The following ZBTB38 variants were observed in gnomAD, a reference collection of about 807,000 sequenced individuals.
The protein encoded by ZBTB38 is zinc finger and BTB domain containing 38, also known as zinc finger and BTB domain-containing protein 38.
ZBTB38 carries 20 observed loss-of-function variants against 76.8 expected under a neutral mutation model. The ratio of observed to expected loss-of-function variants is 0.26; its 90% CI spans 0.18 to 0.38. The LOEUF (loss-of-function observed/expected upper bound fraction) is 0.38, where lower values mean the gene tolerates loss of function less well. Among genes scored for constraint, ZBTB38 ranks in the 10% least tolerant of loss-of-function variants. The pLI, the probability that ZBTB38 is intolerant of heterozygous loss-of-function variation, is 1.00. For missense variants in ZBTB38, 1,082 were observed against 1,482.3 expected (o/e 0.73, Z 4.43); for synonymous variants, 504 against 544.2 (o/e 0.93, Z 1.03).
chr3:141,376,217 C>T (rs1232618975), intron 2 of ZBTB38, among the ~76,000 whole-genome samples: 1 of 152,150 alleles, frequency 6.6e-6, no homozygotes, highest in Non-Finnish European at 1.5e-5. Context: ...CAGCTCCCTA[C>T]CCGCCCCAGT....
chr3:141,357,949 T>C (rs1943715420), intron 1 of ZBTB38, among the ~76,000 whole-genome samples: 2 of 152,156 alleles, frequency 1.3e-5, no homozygotes, highest in African/African-American at 2.4e-5. Flanking sequence ...GAGACCGTGG[T>C]GAGAACTCTG....
intron 5 of ZBTB38, among the ~76,000 whole-genome samples, chr3:141,425,606 A>T (rs985556949): frequency 1.3e-5 from 2 of 152,224 alleles, no homozygotes; most frequent in African/African-American, 4.8e-5. Context: ...CTCTCAGCCT[A>T]CCACAGGGCA....
Position 141,445,899 on chromosome 3 carries a change from A to T in ZBTB38, c.3511A>T (p.Asn1171Tyr). The part of the protein sequence containing the change: ...VCHENSNPLE[N>Y]QHFIGSEDND... ...CCACGAAAACTCAAATCCCTTGGAG[A>T]ATCAACATTTCATTGGTTCAGAAGA... The change falls in exon 6 of 6, where the codon AAT becomes TAT. Residue 1171 changes from asparagine (N) to tyrosine (Y), a missense_variant. By Grantham distance (143) the Asn-to-Tyr change is moderately radical. This residue lies in a region of ZBTB38 where 54 missense variants were observed against 57.9 expected (regional missense o/e 0.93). Transcript: ENST00000321464. This position sits in a 1 kb window ranked among gnomAD's most constrained non-coding sequence, Gnocchi z 6.5. 1 of 1,609,548 alleles carries T rather than the reference A, an allele frequency of 6.2e-7. No individual in the cohort carries two copies. Among genetic ancestry groups the T allele is most frequent in the Non-Finnish European group, 8.5e-7 (1 of 1,180,006 alleles).
intron 1 of ZBTB38, among the ~76,000 whole-genome samples, chr3:141,358,952 G>C (rs191933645): frequency 6.6e-6 from 1 of 152,220 alleles, no homozygotes; most frequent in Non-Finnish European, 1.5e-5. Context: ...GTGGATTGGG[G>C]CTGGGCGACC....
At chr3:141,402,541 G>C (rs941259428) in intron 4 of ZBTB38, 15 of 149,794 alleles carry the variant, frequency 1.0e-4, no homozygotes, top group African/African-American at 3.7e-4. Flanking sequence ...CCGCCAGCCC[G>C]ATCGCTCCTC....
intron 4 of ZBTB38, chr3:141,388,957 G>A (rs919227293): frequency 6.6e-6 from 1 of 152,070 alleles, no homozygotes; most frequent in Admixed American, 6.5e-5. Context: ...GTTCACCAGC[G>A]CCACTGAAAC....
At chr3:141,402,818 CTCGAG>C in intron 4 of ZBTB38, 1 of 152,266 alleles carries the variant, frequency 6.6e-6, no homozygotes, top group Non-Finnish European at 1.5e-5. Flanking sequence ...ACGTGGTGGG[CTCGAG>C]TCCAGCGGGC....
At chr3:141,350,913 T>C (rs935216267) in intron 1 of ZBTB38, among the ~76,000 whole-genome samples, 4 of 152,188 alleles carry the variant, frequency 2.6e-5, no homozygotes, top group African/African-American at 9.7e-5. Context: ...CTTAAAGATA[T>C]GGAGATGTCT....
intron 4 of ZBTB38, among the ~76,000 whole-genome samples, chr3:141,400,707 C>G (rs1202971811): frequency 6.6e-6 from 1 of 152,248 alleles, no homozygotes; most frequent in Non-Finnish European, 1.5e-5. Context: ...AGCGTGCTTA[C>G]ATAATACCAG....
rs542281777 is a variant in ZBTB38 at position 141,401,203 on chromosome 3, GTTTT to G, written c.-105-2719_-105-2716del. On this transcript the variant is annotated intron_variant, in intron 4 of 5. Coordinates refer to ENST00000321464, the MANE Select transcript of ZBTB38 (RefSeq NM_001376113.1). ...AAAAACATTGCAGGTTTTTGTTTTTGTTTTTTTTAAGTGGGAAGATGAATCATTA... is the reference window on the plus strand; with the variant it reads ...AAAAACATTGCAGGTTTTTGTTTTTGTTTTAAGTGGGAAGATGAATCATTA... Among the ~76,000 whole-genome samples, 9 of 151,860 alleles carry G rather than the reference GTTTT, an allele frequency of 5.9e-5. No homozygotes were observed. The East Asian group carries it at 9.7e-4, about 16-fold the overall frequency.
chr3:141,327,224 C>T (rs1050259040), intron 1 of ZBTB38, among the ~76,000 whole-genome samples: 2 of 152,102 alleles, frequency 1.3e-5, no homozygotes, highest in African/African-American at 2.4e-5. Flanking sequence ...GAAGGTGGGG[C>T]ATAACTCCAT....
intron 2 of ZBTB38, among the ~76,000 whole-genome samples, chr3:141,371,045 C>CTTTCTTTTTTTTTTTTTTTTTTTT (rs1944498561): frequency 5.6e-5 from 4 of 72,010 alleles, no homozygotes; most frequent in African/African-American, 3.1e-4. Flanking sequence ...TTCTTTCTTT[C>CTTTCTTTTTTTTTTTTTTTTTTTT]TTTTTTTTTT....
chr3:141,342,844 G>A (rs1209228593), intron 1 of ZBTB38, among the ~76,000 whole-genome samples: 1 of 151,554 alleles, frequency 6.6e-6, no homozygotes, highest in Non-Finnish European at 1.5e-5. Flanking sequence ...ATTCAGGGAG[G>A]GAGAGAAGAA....
intron 2 of ZBTB38, among the ~76,000 whole-genome samples, chr3:141,376,947 G>C (rs1010103637): frequency 6.6e-6 from 1 of 152,160 alleles, no homozygotes; most frequent in East Asian, 1.9e-4. Flanking sequence ...TTGATTCCAT[G>C]TCCCACTTCC....
At chr3:141,416,869 C>A (rs1174023363) in intron 5 of ZBTB38, among the ~76,000 whole-genome samples, 2 of 152,190 alleles carry the variant, frequency 1.3e-5, no homozygotes, top group Non-Finnish European at 2.9e-5. Context: ...AAGGATTCTC[C>A]CCCTGCAGCC....
chr3:141,435,487 G>A (rs758447066), intron 5 of ZBTB38, among the ~76,000 whole-genome samples: 13 of 152,154 alleles, frequency 8.5e-5, no homozygotes, highest in Non-Finnish European at 1.5e-4. Context: ...GGCCGGGCAC[G>A]GTGGCTCACG....
At position 141,448,712 on chromosome 3, in the gene ZBTB38, T is replaced by G. The variant is rs1194039947; in HGVS notation, c.*2736T>G. The G allele has an allele frequency of 6.6e-6, 1 of 152,246 alleles. No individual in the cohort carries two copies. The highest frequency in any genetic ancestry group is 1.5e-5 in the Non-Finnish European group (1 of 68,050). 9.4% of individuals were successfully genotyped at this position (152,246 alleles called of 1,614,324 possible). ...ATAGCTTATTCCTACATTAAGTCTC[T>G]TTTTAAATGTTTTCATGTTATTTCT... On this transcript the variant is annotated 3_prime_UTR_variant, in exon 6 of 6. Coordinates refer to ENST00000321464, the MANE Select transcript of ZBTB38 (RefSeq NM_001376113.1).
Position 141,393,918 on chromosome 3 carries a change from T to C in ZBTB38, c.-106+6981T>C, listed in dbSNP as rs141364132. Among the ~76,000 whole-genome samples, 395 of 152,344 alleles carry C rather than the reference T, an allele frequency of 2.6e-3. 1 individual carries two copies. Among genetic ancestry groups the C allele is most frequent in the African/African-American group, 9.3e-3 (386 of 41,584 alleles). On this transcript the variant is annotated intron_variant, in intron 4 of 5. Coordinates refer to ENST00000321464, the MANE Select transcript of ZBTB38 (RefSeq NM_001376113.1). The stretch of plus-strand genomic sequence containing the variant: ...TACTTAATGGCCCCACGTTGGCGAT[T>C]GTGAAGCGCCTACAGATTGATGTCC...
intron 4 of ZBTB38, among the ~76,000 whole-genome samples, chr3:141,392,431 G>A (rs1949167020): frequency 6.6e-6 from 1 of 152,232 alleles, no homozygotes; most frequent in African/African-American, 2.4e-5. Flanking sequence ...CCACACAAGG[G>A]TAGAGCATTG....
Sources: allele counts gnomAD v4.1 joint callset (sites outside exome capture counted in the v4.1 genomes callset), GRCh38; gene constraint gnomAD v4.1.1; regional missense constraint gnomAD v4.1.1; non-coding constraint Gnocchi (gnomAD v3.1); transcripts MANE v1.5; gene names NCBI Gene and HGNC (gene_info 2026-07-23, HGNC 2026-07-21).